Variants in ATP1A4 observed in about 807,000 individuals in gnomAD.
ATP1A4 encodes the protein ATPase Na+/K+ transporting subunit alpha 4.
ATP1A4 carries 90 observed loss-of-function variants against 114.3 expected under a neutral mutation model. The ratio of observed to expected loss-of-function variants is 0.79; its 90% CI spans 0.66 to 0.94. The LOEUF is 0.94. Among genes scored for constraint, ATP1A4 ranks in the 40% least tolerant of loss-of-function variants. The pLI, the probability that ATP1A4 is intolerant of heterozygous loss-of-function variation, is 0.00. For missense variants in ATP1A4, 1,222 were observed against 1,313.6 expected, an observed-to-expected ratio of 0.93 and a Z score of 1.08; for synonymous variants, 511 against 494.1, an observed-to-expected ratio of 1.03 and a Z score of -0.45.
rs1653726088 is a variant in ATP1A4 at position 160,182,019 on chromosome 1, T to C, written c.2957T>C (p.Met986Thr). Residue 986 changes from methionine (M) to threonine (T), a missense_variant, in exon 20 of 22, where the codon ATG becomes ACG. Physicochemically the swap from Met to Thr is moderately conservative, Grantham distance 81 (BLOSUM62 -1). Coordinates refer to ENST00000368081, the MANE Select transcript of ATP1A4 (RefSeq NM_144699.4). ...CCAGGCATGGACGTGGCCCTGCGAA[T>C]GTACCCACTCAAGTGAGTAAGGGAA... is the stretch of plus-strand genomic sequence containing the variant. ...YTPGMDVALRMYPLKITWWLC... is the reference protein window; with the variant it reads ...YTPGMDVALRTYPLKITWWLC... The C allele has an allele frequency of 1.9e-6, 3 of 1,613,688 alleles. No homozygotes were observed. Among genetic ancestry groups the C allele is most frequent in the Admixed American group, 1.7e-5 (1 of 60,002 alleles).
In ATP1A4 at chr1:160,186,265, G is replaced by T; in HGVS notation, c.2970-11G>T. 10 of 1,594,840 alleles carry T rather than the reference G, an allele frequency of 6.3e-6. No individual in the cohort carries two copies. The highest frequency in any genetic ancestry group is 8.6e-6 in the Non-Finnish European group (10 of 1,164,028). On this transcript the variant is annotated splice_polypyrimidine_tract_variant and intron_variant, in intron 20 of 21. Coordinates refer to ENST00000368081, the MANE Select transcript of ATP1A4 (RefSeq NM_144699.4). ...TCTCCTGCCATGCTGACTGGCTCTTGCTCTCTACAGGATAACCTGGTGGCT... is the reference window on the plus strand; with the variant it reads ...TCTCCTGCCATGCTGACTGGCTCTTTCTCTCTACAGGATAACCTGGTGGCT...
chr1:160,171,766 T>C lies in ATP1A4; in HGVS notation c.1854+9T>C. 1.9e-6 allele frequency: 3 copies of C among 1,613,000 alleles called. No individual in the cohort carries two copies. The highest frequency in any genetic ancestry group is 2.5e-6 in the Non-Finnish European group (3 of 1,179,328). On this transcript the variant is annotated intron_variant, in intron 12 of 21. Coordinates refer to ENST00000368081, the MANE Select transcript of ATP1A4 (RefSeq NM_144699.4). ...GCAGTGCAGGAATTAAGGTAAATAC[T>C]TGCCCAGACCAGGAGCCCCTCACCT...
At chr1:160,179,672 T>C (rs914866533) in intron 18 of ATP1A4, among the ~76,000 whole-genome samples, 1 of 152,236 alleles carries the variant, frequency 6.6e-6, no homozygotes, top group Non-Finnish European at 1.5e-5. Context: ...CATTTGTTCA[T>C]TCAGACAATA....
chr1:160,172,650 T>C (rs1653306323), intron 12 of ATP1A4, among the ~76,000 whole-genome samples: 1 of 152,208 alleles, frequency 6.6e-6, no homozygotes, highest in Non-Finnish European at 1.5e-5. Context: ...CCTTCCGTGC[T>C]CATACCTTAC....
At chr1:160,173,411 G>A (rs1653336112) in intron 12 of ATP1A4, among the ~76,000 whole-genome samples, 170 bp from the exon 13 acceptor site, 1 of 152,144 alleles carries the variant, frequency 6.6e-6, no homozygotes, top group Non-Finnish European at 1.5e-5. Context: ...CACTCCCAAG[G>A]GTTGAAATCA....
chr1:160,165,390 T>A (rs1652989853), intron 7 of ATP1A4, among the ~76,000 whole-genome samples: 2 of 152,194 alleles, frequency 1.3e-5, no homozygotes, highest in Non-Finnish European at 2.9e-5. Context: ...TCAACAAAAG[T>A]CTTTTGGTTT....
chr1:160,162,938 A>G (rs1036142492), intron 6 of ATP1A4, among the ~76,000 whole-genome samples: 2 of 152,218 alleles, frequency 1.3e-5, no homozygotes, highest in African/African-American at 4.8e-5. Context: ...AAAATTGGGT[A>G]TTTCAGGAGA....
chr1:160,185,918 C>CA (rs564826958), intron 20 of ATP1A4, among the ~76,000 whole-genome samples: 1,995 of 96,052 alleles, frequency 0.021, 54 homozygotes, highest in African/African-American at 0.059. Flanking sequence ...GACTCCGTCT[C>CA]AAAAAAAAAA....
At chr1:160,181,017 G>A (rs1653681013) in intron 18 of ATP1A4, among the ~76,000 whole-genome samples, 1 of 151,932 alleles carries the variant, frequency 6.6e-6, no homozygotes, top group Non-Finnish European at 1.5e-5. Flanking sequence ...CGCCCAGCCT[G>A]CCTTCCTTTC....
In ATP1A4 at chr1:160,173,714, C is replaced by T. The variant is rs1410786299; in HGVS notation, c.1988C>T (p.Ala663Val). 4.3e-6 allele frequency: 7 copies of T among 1,613,916 alleles called. No homozygotes were observed. The African/African-American group carries it at 8.0e-5, about 18-fold the overall frequency. The change falls in exon 13 of 22, where the codon GCC (alanine) becomes GTC (valine). Residue 663 changes from alanine (A) to valine (V), a missense_variant. Coordinates refer to ENST00000368081, the MANE Select transcript of ATP1A4 (RefSeq NM_144699.4). ...RLKIPISKVD[A>V]SAAKAIVVHG... The stretch of plus-strand genomic sequence containing the variant: ...AAGATCCCTATCAGCAAGGTCGATG[C>T]CAGGTGAGATCACTAAAGAACTCAA...
Position 160,156,068 on chromosome 1 carries a change from C to T in ATP1A4, c.435C>T (p.Ser145=), listed in dbSNP as rs780624299. The T allele has an allele frequency of 3.6e-5, 58 of 1,613,440 alleles. No individual in the cohort carries two copies. In the South Asian group the frequency reaches 4.1e-4, roughly 11 times the overall value. Residue 145 remains serine (S), a synonymous_variant, in exon 4 of 22, where the codon TCC becomes TCT. Coordinates refer to ENST00000368081, the MANE Select transcript of ATP1A4 (RefSeq NM_144699.4). ...AGCTCTACCTGAGCATCGTACTGTCCGTCGTGGTCATCGTCACTGGCTGCT... is the reference window on the plus strand; with the variant it reads ...AGCTCTACCTGAGCATCGTACTGTCTGTCGTGGTCATCGTCACTGGCTGCT... ...KDNLYLSIVL[S]VVVIVTGCFS... is the part of the protein sequence containing the mutation.
chr1:160,168,252 G>A (rs1653111360), intron 10 of ATP1A4, among the ~76,000 whole-genome samples: 1 of 152,116 alleles, frequency 6.6e-6, no homozygotes, highest in Non-Finnish European at 1.5e-5. Context: ...GTTCCACGGG[G>A]CAATCATGAT....
At chr1:160,181,630 A>C (rs2101657359) in intron 18 of ATP1A4, 54 bp from the exon 19 acceptor site, 1 of 1,602,738 alleles carries the variant, frequency 6.2e-7, no homozygotes, top group South Asian at 1.1e-5. Context: ...AAGAAGCCTT[A>C]GGGTGTACAG....
chr1:160,169,051 C>T (rs553116821), intron 10 of ATP1A4, among the ~76,000 whole-genome samples: 1 of 152,366 alleles, frequency 6.6e-6, no homozygotes, highest in East Asian at 1.9e-4. Flanking sequence ...CTCTTCCGAG[C>T]TACCAAACAT....
Position 160,167,078 on chromosome 1 carries a change from G to C in ATP1A4, c.1356+1G>C, listed in dbSNP as rs768955971. On this transcript the variant is annotated splice_donor_variant, in intron 9 of 21. Coordinates refer to ENST00000368081, the MANE Select transcript of ATP1A4 (RefSeq NM_144699.4). LOFTEE classifies it high-confidence loss of function. ...TCAGGAGATCCTGCCCATTGCTAAG[G>C]TGTCAGGCCCAAGGGGAAGAGGGTA... The C allele has an allele frequency of 6.2e-7, 1 of 1,613,700 alleles. No individual in the cohort carries two copies. The highest frequency in any genetic ancestry group is 8.5e-7 in the Non-Finnish European group (1 of 1,179,754).
chr1:160,159,207 T>G, intron 5 of ATP1A4, 71 bp downstream of exon 5: 3 of 1,545,294 alleles, frequency 1.9e-6, no homozygotes, highest in African/African-American at 2.8e-5. Context: ...CCTGGGCCGT[T>G]AGAGAAAGTA....
chr1:160,177,644 G>T lies in ATP1A4; in HGVS notation c.2716G>T (p.Asp906Tyr). Reference sequence around the variant, plus strand: ...AGATAAATACTTGAATGACCTGGAGGACAGCTACGGACAGCAGTGGGTGAG... The same window carrying T: ...AGATAAATACTTGAATGACCTGGAGTACAGCTACGGACAGCAGTGGGTGAG... Reference protein sequence around the residue: ...WEDKYLNDLEDSYGQQWTYEQ... With the variant: ...WEDKYLNDLEYSYGQQWTYEQ... Residue 906 changes from aspartate (D) to tyrosine (Y), a missense_variant, in exon 18 of 22, where the codon GAC (aspartate) becomes TAC (tyrosine). Physicochemically the swap from Asp to Tyr is radical, Grantham distance 160 (BLOSUM62 -3). Coordinates refer to ENST00000368081, the MANE Select transcript of ATP1A4 (RefSeq NM_144699.4). 6.2e-7 allele frequency: 1 copy of T among 1,614,202 alleles called. No homozygotes were observed. Among genetic ancestry groups the T allele is most frequent in the Non-Finnish European group, 8.5e-7 (1 of 1,180,040 alleles).
At chr1:160,172,275 C>T (rs757923549) in intron 12 of ATP1A4, among the ~76,000 whole-genome samples, 1 of 152,092 alleles carries the variant, frequency 6.6e-6, no homozygotes, top group South Asian at 2.1e-4. Context: ...TAGAAGATGT[C>T]GTGTAAATGT....
At position 160,177,573 on chromosome 1, in the gene ATP1A4, A is replaced by T. The variant is rs1385760595; in HGVS notation, c.2645A>T (p.Asn882Ile). ...ACCTACTTTGTAATCCTGGCTGAGA[A>T]TGGTTTTAGGCCTGTTGATCTGCTG... ...FFTYFVILAE[N>I]GFRPVDLLGI... Residue 882 changes from asparagine to isoleucine, a missense_variant, in exon 18 of 22, where the codon AAT (asparagine) becomes ATT (isoleucine). Coordinates refer to ENST00000368081, the MANE Select transcript of ATP1A4 (RefSeq NM_144699.4). 4 of 1,614,106 alleles carry T rather than the reference A, an allele frequency of 2.5e-6. No individual in the cohort carries two copies. The highest frequency in any genetic ancestry group is 1.7e-6 in the Non-Finnish European group (2 of 1,180,006).
Sources: gnomAD v4.1 joint callset for allele counts (sites outside exome capture counted in the v4.1 genomes callset) on GRCh38, gnomAD v4.1.1 for gene constraint, MANE v1.5 for transcripts, NCBI Gene and HGNC (gene_info 2026-07-23, HGNC 2026-07-21) for gene names.